ACOXL: variants seen among roughly 807,000 people sequenced by gnomAD.
ACOXL encodes the protein acyl-CoA oxidase like.
In ACOXL, 70 loss-of-function variants were observed where a neutral mutation model predicts 71.9. That is an observed-to-expected ratio of 0.97 (90% CI 0.80 to 1.19). ACOXL has a LOEUF of 1.19. Ranked by LOEUF, ACOXL falls within the 50% of genes most tolerant of loss-of-function variation. The pLI, the probability that ACOXL is intolerant of heterozygous loss-of-function variation, is 0.00. For synonymous variants in ACOXL, 253 were observed against 281.6 expected, an observed-to-expected ratio of 0.90 and a Z score of 1.02; for missense variants, 703 against 736.3, an observed-to-expected ratio of 0.95 and a Z score of 0.52.
intron 9 of ACOXL, among the ~76,000 whole-genome samples, chr2:110,821,061 C>T (rs1434995853): frequency 1.3e-5 from 2 of 152,134 alleles, no homozygotes; most frequent in Non-Finnish European, 2.9e-5. Flanking sequence ...ATGGCAAGAA[C>T]GGCTGTTGTA....
At chr2:110,935,855 G>A (rs1177536940) in intron 12 of ACOXL, among the ~76,000 whole-genome samples, 1 of 152,032 alleles carries the variant, frequency 6.6e-6, no homozygotes, top group Non-Finnish European at 1.5e-5. Flanking sequence ...ATGGTTTTGG[G>A]GGTGGGGGGT....
intron 11 of ACOXL, among the ~76,000 whole-genome samples, chr2:110,917,023 T>C (rs181303385): frequency 8.1e-4 from 123 of 152,100 alleles, no homozygotes; most frequent in African/African-American, 2.9e-3. Flanking sequence ...TTCCAAAAAA[T>C]AGAAGAAGAG....
intron 11 of ACOXL, among the ~76,000 whole-genome samples, chr2:110,927,488 C>A (rs1019960496): frequency 6.6e-6 from 1 of 152,156 alleles, no homozygotes; most frequent in Non-Finnish European, 1.5e-5. Context: ...TTATAGACGT[C>A]TTTCCCCTCA....
At chr2:110,951,752 C>A (rs950578829) in intron 12 of ACOXL, among the ~76,000 whole-genome samples, 1 of 151,922 alleles carries the variant, frequency 6.6e-6, no homozygotes, top group Non-Finnish European at 1.5e-5. Flanking sequence ...CATTTTCTTC[C>A]TTTTAATCTG....
At chr2:110,806,368 C>T (rs939579899) in intron 9 of ACOXL, among the ~76,000 whole-genome samples, 7 of 152,166 alleles carry the variant, frequency 4.6e-5, no homozygotes, top group Admixed American at 3.9e-4. Context: ...GGTGGGTGTT[C>T]AGGTCTGAAG....
At chr2:110,801,864 A>G (rs748652278) in intron 8 of ACOXL, 140 bp downstream of exon 8, 22 of 655,248 alleles carry the variant, frequency 3.4e-5, no homozygotes, top group Non-Finnish European at 5.4e-5. Flanking sequence ...TTGACAACTA[A>G]TTGGAAAAGA....
intron 15 of ACOXL, among the ~76,000 whole-genome samples, chr2:111,033,601 A>G (rs534768137): frequency 1.3e-5 from 2 of 152,332 alleles, no homozygotes; most frequent in East Asian, 3.9e-4. Context: ...CCATACACTC[A>G]GCATCAACCT....
At chr2:110,907,435 G>A (rs1160157120) in intron 10 of ACOXL, among the ~76,000 whole-genome samples, 1 of 152,114 alleles carries the variant, frequency 6.6e-6, no homozygotes, top group Non-Finnish European at 1.5e-5. Context: ...TACTGGCTTT[G>A]GGATTTTTTT....
intron 14 of ACOXL, among the ~76,000 whole-genome samples, chr2:110,998,512 G>A (rs564680587): frequency 1.1e-4 from 16 of 152,300 alleles, no homozygotes; most frequent in African/African-American, 3.9e-4. Flanking sequence ...TGCGAATTGC[G>A]CCTTGGTTTG....
chr2:111,067,599 A>G (rs2067135003), intron 16 of ACOXL, among the ~76,000 whole-genome samples: 1 of 152,230 alleles, frequency 6.6e-6, no homozygotes, highest in South Asian at 2.1e-4. Flanking sequence ...ACAGGTACCT[A>G]GAGACTAATA....
intron 11 of ACOXL, among the ~76,000 whole-genome samples, chr2:110,930,830 T>C (rs1288080604): frequency 6.6e-6 from 1 of 152,156 alleles, no homozygotes; most frequent in African/African-American, 2.4e-5. Flanking sequence ...AAAATGTGCC[T>C]TTTGCCTTCC....
chr2:110,773,700 C>T (rs1682266226), intron 2 of ACOXL, among the ~76,000 whole-genome samples: 1 of 152,208 alleles, frequency 6.6e-6, no homozygotes. Context: ...GACAGGCTCC[C>T]CTGGCTCTTA....
intron 14 of ACOXL, 118 bp from the exon 15 acceptor site, chr2:111,031,509 C>T (rs757986370): frequency 3.2e-5 from 27 of 846,060 alleles, no homozygotes; most frequent in Non-Finnish European, 5.1e-5. Flanking sequence ...GAAGGTTCTG[C>T]ACTGTGTCCA....
intron 14 of ACOXL, among the ~76,000 whole-genome samples, chr2:111,002,514 T>A (rs900374586): frequency 2.6e-5 from 4 of 152,236 alleles, no homozygotes; most frequent in South Asian, 2.1e-4. Context: ...GTGTTTTTAG[T>A]TATATGGACA....
intron 12 of ACOXL, among the ~76,000 whole-genome samples, chr2:110,952,333 A>G (rs757911903): frequency 1.3e-5 from 2 of 151,940 alleles, no homozygotes; most frequent in Non-Finnish European, 2.9e-5. Context: ...TGCCATTCCT[A>G]ATATTGTTTG....
At chr2:110,963,615 C>G in intron 12 of ACOXL, 1 of 1,609,550 alleles carries the variant, frequency 6.2e-7, no homozygotes, top group Non-Finnish European at 8.5e-7. Flanking sequence ...TTTTCTCTTT[C>G]TGCAACAGGG....
chr2:110,973,826 A>G (rs1261985278), intron 12 of ACOXL, among the ~76,000 whole-genome samples: 1 of 152,226 alleles, frequency 6.6e-6, no homozygotes, highest in Admixed American at 6.5e-5. Flanking sequence ...CAGTAATAGC[A>G]TCTGCCACAG....
intron 14 of ACOXL, among the ~76,000 whole-genome samples, chr2:111,008,293 G>A (rs2063971676): frequency 6.6e-6 from 1 of 152,052 alleles, no homozygotes; most frequent in South Asian, 2.1e-4. Flanking sequence ...AATATTCAGT[G>A]CTATACACAA....
chr2:111,092,873 G>T lies in ACOXL; in HGVS notation c.1449G>T (p.Leu483=), dbSNP rs369462046. 1.6e-4 allele frequency: 260 copies of T among 1,613,340 alleles called. 2 individuals are homozygous for T. Among genetic ancestry groups the T allele is most frequent in the African/African-American group, 4.0e-5 (3 of 74,798 alleles). The stretch of plus-strand genomic sequence containing the variant: ...TTTCCCCCACCCCTTAGTTTTGTCT[G>T]TTGTATGGAACCAAGCTGGTGTTTC... ...EDQTLLMKFC[L]LYGTKLVFQE... is the part of the protein sequence containing the mutation. Residue 483 remains leucine (L), a synonymous_variant, in exon 17 of 18, where the codon CTG becomes CTT. Coordinates refer to ENST00000439055, the MANE Select transcript of ACOXL (RefSeq NM_001142807.4).
Sources: allele counts gnomAD v4.1 joint callset (sites outside exome capture counted in the v4.1 genomes callset), GRCh38; gene constraint gnomAD v4.1.1; transcripts MANE v1.5; gene names NCBI Gene and HGNC (gene_info 2026-07-23, HGNC 2026-07-21).